PDE8B: variants seen among roughly 807,000 people sequenced by gnomAD.
PDE8B encodes high affinity cAMP-specific and IBMX-insensitive 3',5'-cyclic phosphodiesterase 8B.
Under a neutral mutation model 101.3 loss-of-function variants are expected in PDE8B, and 26 were observed. The observed-to-expected ratio is 0.26, with a 90% confidence interval of 0.19 to 0.36. The LOEUF (loss-of-function observed/expected upper bound fraction) is 0.36, where lower values mean the gene tolerates loss of function less well. PDE8B is among the 10% of genes least tolerant of loss of function. The pLI is 1.00. For missense variants in PDE8B, 810 were observed against 1,163.1 expected, an observed-to-expected ratio of 0.70 and a Z score of 4.42; for synonymous variants, 424 against 429.3, an observed-to-expected ratio of 0.99 and a Z score of 0.15.
chr5:77,278,785 G>T (rs958081518), intron 1 of PDE8B, among the ~76,000 whole-genome samples: 7 of 152,142 alleles, frequency 4.6e-5, no homozygotes, highest in African/African-American at 1.7e-4. Context: ...AAGTTTTTGA[G>T]TGGCTAGTTT....
chr5:77,146,825 C>T, the PDE8B span: 16 of 355,276 alleles, frequency 4.5e-5, no homozygotes, highest in Admixed American at 2.6e-4. Context: ...CCCTTTAGGA[C>T]GAAAAAGTAG....
intron 9 of PDE8B, 54 bp downstream of exon 9, chr5:77,351,207 A>C: frequency 4.6e-6 from 6 of 1,306,670 alleles, no homozygotes; most frequent in Non-Finnish European, 6.7e-6. Context: ...CAAGGCCCTC[A>C]TGGGCATTGG....
At position 77,426,561 on chromosome 5, in the gene PDE8B, G is replaced by A. The variant is rs769428445; in HGVS notation, c.*7G>A. The A allele has an allele frequency of 1.2e-5, 18 of 1,479,550 alleles. No individual in the cohort carries two copies. The highest frequency in any genetic ancestry group is 1.7e-5 in the Non-Finnish European group (18 of 1,057,794). The allele number at this position is 1,479,550 out of a possible 1,614,324, so 91.7% of individuals were successfully genotyped here. ...GCTTCCATCTGACAGCTAAAGCCAA[G>A]CCACAGAGGGGGCCTCTTGACCGAC... On this transcript the variant is annotated 3_prime_UTR_variant, in exon 22 of 22. Transcript: ENST00000264917.
At chr5:77,253,544 C>T (rs766888589) in intron 1 of PDE8B, among the ~76,000 whole-genome samples, 1 of 152,076 alleles carries the variant, frequency 6.6e-6, no homozygotes, top group Non-Finnish European at 1.5e-5. Context: ...AAGATGACTG[C>T]GCCTATAGAT....
At chr5:77,127,791 G>A in the PDE8B span, among the ~76,000 whole-genome samples, 1 of 152,022 alleles carries the variant, frequency 6.6e-6, no homozygotes, top group Non-Finnish European at 1.5e-5. Context: ...TCTCCTAGAG[G>A]ATGAAAATTA....
At chr5:77,119,239 T>A in the PDE8B span, 2 of 152,098 alleles carry the variant, frequency 1.3e-5, no homozygotes, top group African/African-American at 4.8e-5. Context: ...TGTAAATTGG[T>A]ACAACTTTGG....
chr5:77,227,430 T>A (rs1752632800), intron 1 of PDE8B, among the ~76,000 whole-genome samples: 1 of 152,046 alleles, frequency 6.6e-6, no homozygotes, highest in Admixed American at 6.6e-5. Context: ...AATAATTAGG[T>A]TCCTGGGAGA....
the PDE8B span, chr5:77,088,317 C>T: frequency 6.6e-6 from 1 of 152,280 alleles, no homozygotes; most frequent in Non-Finnish European, 1.5e-5. Flanking sequence ...ACAGTGTGCT[C>T]TTTTAGCCTT....
intron 1 of PDE8B, among the ~76,000 whole-genome samples, chr5:77,226,772 T>G (rs1020592176): frequency 1.3e-5 from 2 of 152,222 alleles, no homozygotes; most frequent in African/African-American, 2.4e-5. Flanking sequence ...TCAGAGGATT[T>G]TCTTTGAGTA....
chr5:77,191,327 C>T, the PDE8B span, among the ~76,000 whole-genome samples: 3,072 of 151,968 alleles, frequency 0.02, 105 homozygotes, highest in African/African-American at 0.069. Flanking sequence ...ATTTTATTGA[C>T]GTATAATATT....
At chr5:77,292,732 G>A (rs1380897695) in intron 1 of PDE8B, among the ~76,000 whole-genome samples, 1 of 151,990 alleles carries the variant, frequency 6.6e-6, no homozygotes, top group South Asian at 2.1e-4. Flanking sequence ...TTTTATTATT[G>A]TCTTAGTAGA....
chr5:77,376,860 T>A (rs1426035843), intron 10 of PDE8B, among the ~76,000 whole-genome samples: 2 of 152,166 alleles, frequency 1.3e-5, no homozygotes, highest in African/African-American at 4.8e-5. Flanking sequence ...TTAAGTAGTT[T>A]AATGACTCTC....
intron 1 of PDE8B, among the ~76,000 whole-genome samples, chr5:77,278,342 C>T (rs1441078537): frequency 6.6e-6 from 1 of 152,172 alleles, no homozygotes; most frequent in Non-Finnish European, 1.5e-5. Flanking sequence ...GATAGCCTTG[C>T]TCAGGATATC....
At chr5:77,128,119 A>G in the PDE8B span, among the ~76,000 whole-genome samples, 1 of 152,120 alleles carries the variant, frequency 6.6e-6, no homozygotes, top group African/African-American at 2.4e-5. Flanking sequence ...ATTCCTTTAC[A>G]ATTATAATTG....
chr5:77,353,508 C>T (rs944123597), intron 10 of PDE8B, 102 bp downstream of exon 10: 1 of 779,790 alleles, frequency 1.3e-6, no homozygotes. Flanking sequence ...TTCTCCATGT[C>T]TAATTGTAGC....
chr5:77,300,964 G>A (rs1301273185), intron 1 of PDE8B, among the ~76,000 whole-genome samples: 3 of 152,164 alleles, frequency 2.0e-5, no homozygotes, highest in African/African-American at 7.2e-5. Context: ...TTTTAAATGG[G>A]ATTCATTTCA....
chr5:77,101,702 C>G, the PDE8B span, among the ~76,000 whole-genome samples: 1 of 152,042 alleles, frequency 6.6e-6, no homozygotes, highest in Non-Finnish European at 1.5e-5. Flanking sequence ...ACATTTCGCC[C>G]ATAAAGCCTA....
rs562164512 is a variant in PDE8B at position 77,275,028 on chromosome 5, C to A, written c.340-36966C>A. Among the ~76,000 whole-genome samples the A allele has an allele frequency of 5.3e-5, 8 of 152,012 alleles. No homozygotes were observed. The East Asian group carries it at 1.5e-3, about 29-fold the overall frequency. ...GAGAAATGCAAAAAAAATGTAAAAA[C>A]CAAGCATAATATCACCACTTTACAC... On this transcript the variant is annotated intron_variant, in intron 1 of 21. Coordinates refer to ENST00000264917, the MANE Select transcript of PDE8B (RefSeq NM_003719.5).
chr5:77,286,051 A>G (rs1451613743), intron 1 of PDE8B, among the ~76,000 whole-genome samples: 2 of 152,094 alleles, frequency 1.3e-5, no homozygotes, highest in African/African-American at 4.8e-5. Context: ...GGGAATTCCA[A>G]CATCTGGGTC....
Sources: allele counts gnomAD v4.1 joint callset (sites outside exome capture counted in the v4.1 genomes callset), GRCh38; gene constraint gnomAD v4.1.1; transcripts MANE v1.5; gene names NCBI Gene and HGNC (gene_info 2026-07-23, HGNC 2026-07-21).